TMEM132B: variants seen among roughly 807,000 people sequenced by gnomAD.
TMEM132B encodes the protein transmembrane protein 132B.
TMEM132B carries 18 observed loss-of-function variants against 90.8 expected under a neutral mutation model. The ratio of observed to expected loss-of-function variants is 0.20; its 90% CI spans 0.14 to 0.29. TMEM132B has a LOEUF of 0.29. TMEM132B is among the 10% of genes least tolerant of loss of function. The pLI, the probability that TMEM132B is intolerant of heterozygous loss-of-function variation, is 1.00. For synonymous variants in TMEM132B, 504 were observed against 523.3 expected, an observed-to-expected ratio of 0.96 and a Z score of 0.50; for missense variants, 1,096 against 1,326.8, an observed-to-expected ratio of 0.83 and a Z score of 2.70.
At chr12:125,470,373 G>C (rs1881680278) in intron 3 of TMEM132B, among the ~76,000 whole-genome samples, 1 of 152,216 alleles carries the variant, frequency 6.6e-6, no homozygotes, top group Non-Finnish European at 1.5e-5. Flanking sequence ...GCCTGGCTAG[G>C]GGAGAATTTT....
At chr12:125,247,745 G>C (rs1874237331) in intron 1 of TMEM132B, among the ~76,000 whole-genome samples, 1 of 152,214 alleles carries the variant, frequency 6.6e-6, no homozygotes, top group Non-Finnish European at 1.5e-5. Flanking sequence ...CCTAGCCGAT[G>C]TCACCGGCCC....
chr12:125,500,238 T>A (rs1882663478), intron 3 of TMEM132B, among the ~76,000 whole-genome samples: 1 of 152,128 alleles, frequency 6.6e-6, no homozygotes, highest in African/African-American at 2.4e-5. Flanking sequence ...TTACAAACAC[T>A]TGTAAGTTTG....
chr12:125,261,866 T>G (rs377386629), intron 1 of TMEM132B, among the ~76,000 whole-genome samples: 1 of 152,198 alleles, frequency 6.6e-6, no homozygotes, highest in African/African-American at 2.4e-5. Flanking sequence ...GGTCTCGCTC[T>G]GATGCCCAGG....
At chr12:125,561,330 A>G (rs753342754) in intron 4 of TMEM132B, among the ~76,000 whole-genome samples, 1 of 146,160 alleles carries the variant, frequency 6.8e-6, no homozygotes, top group Admixed American at 6.8e-5. Context: ...ATGAGAACAC[A>G]TGGACATAGG....
intron 1 of TMEM132B, among the ~76,000 whole-genome samples, chr12:125,308,071 G>A (rs1876036854): frequency 7.6e-6 from 1 of 132,230 alleles, no homozygotes. Context: ...TATAATACAA[G>A]TATATTATAA....
intron 5 of TMEM132B, chr12:125,622,418 G>C: frequency 2.1e-6 from 2 of 961,010 alleles, no homozygotes; most frequent in Non-Finnish European, 2.5e-6. Flanking sequence ...CACCATGGGA[G>C]CCAGGTCTGA....
intron 4 of TMEM132B, among the ~76,000 whole-genome samples, chr12:125,548,813 G>A (rs1297991026): frequency 1.3e-5 from 2 of 152,150 alleles, no homozygotes; most frequent in Non-Finnish European, 2.9e-5. Flanking sequence ...TGAGGGTTAC[G>A]ATTGGAGGTT....
intron 3 of TMEM132B, among the ~76,000 whole-genome samples, chr12:125,484,908 A>T (rs147152672): frequency 1.7e-4 from 26 of 151,932 alleles, no homozygotes; most frequent in African/African-American, 6.3e-4. Flanking sequence ...CCCTATTTAG[A>T]CCTATTTTTT....
intron 1 of TMEM132B, among the ~76,000 whole-genome samples, chr12:125,347,588 G>T (rs1200167383): frequency 1.3e-5 from 2 of 152,180 alleles, no homozygotes; most frequent in Non-Finnish European, 2.9e-5. Context: ...GCCACCAGGA[G>T]CCAGAGGGAA....
chr12:125,491,728 G>A (rs774094305), intron 3 of TMEM132B, among the ~76,000 whole-genome samples: 254 of 152,146 alleles, frequency 1.7e-3, no homozygotes, highest in Non-Finnish European at 2.9e-3. Context: ...TCAAGTATGG[G>A]CCAACCCACT....
At chr12:125,513,961 T>G (rs983899371) in intron 3 of TMEM132B, among the ~76,000 whole-genome samples, 1 of 152,182 alleles carries the variant, frequency 6.6e-6, no homozygotes, top group African/African-American at 2.4e-5. Context: ...TGAATCTCAG[T>G]GCCCAGCACA....
chr12:125,590,177 T>C (rs10846927), intron 5 of TMEM132B, among the ~76,000 whole-genome samples: 92,826 of 151,930 alleles, frequency 0.61, 29,494 homozygotes, highest in Middle Eastern at 0.76. Flanking sequence ...TACTGTGAGC[T>C]AGTTAAATCA....
At chr12:125,621,425 TTGG>T (rs1360620415) in intron 5 of TMEM132B, among the ~76,000 whole-genome samples, 2 of 152,030 alleles carry the variant, frequency 1.3e-5, no homozygotes, top group Non-Finnish European at 2.9e-5. Context: ...TAGGTGCATG[TTGG>T]TGGGAGTATG....
chr12:125,400,232 A>G (rs1879280697), intron 2 of TMEM132B, among the ~76,000 whole-genome samples: 1 of 152,250 alleles, frequency 6.6e-6, no homozygotes, highest in African/African-American at 2.4e-5. Flanking sequence ...AAAGCTAGAC[A>G]CATAAGTTTC....
intron 4 of TMEM132B, among the ~76,000 whole-genome samples, chr12:125,571,649 T>C (rs1271806847): frequency 6.6e-6 from 1 of 152,232 alleles, no homozygotes; most frequent in Non-Finnish European, 1.5e-5. Context: ...TCTGAACAAA[T>C]GTGTTTCCCA....
At chr12:125,332,323 A>G (rs1876800829) in intron 1 of TMEM132B, among the ~76,000 whole-genome samples, 1 of 152,184 alleles carries the variant, frequency 6.6e-6, no homozygotes, top group Non-Finnish European at 1.5e-5. Flanking sequence ...TAAGCTTGTG[A>G]TAACTGCCAG....
In TMEM132B at chr12:125,500,634, G is replaced by A. The variant is rs1882671895; in HGVS notation, c.1107-18805G>A. The stretch of plus-strand genomic sequence containing the variant: ...AGAATGGATAAAAACATGTGAAATG[G>A]AAGGGGAAGAATTTTGTAGGACGTC... On this transcript the variant is annotated intron_variant, in intron 3 of 8. Transcript: ENST00000682704. 3.3e-5 allele frequency among the ~76,000 whole-genome samples: 5 copies of A among 152,194 alleles called. No homozygotes were observed. The South Asian group carries it at 1.0e-3, about 32-fold the overall frequency.
At chr12:125,330,824 C>G (rs1006720255) in intron 1 of TMEM132B, among the ~76,000 whole-genome samples, 2 of 152,196 alleles carry the variant, frequency 1.3e-5, no homozygotes, top group Non-Finnish European at 2.9e-5. Flanking sequence ...GAAGGACTGC[C>G]TGAGGCCAGG....
chr12:125,604,726 T>C (rs1437686256), intron 5 of TMEM132B, among the ~76,000 whole-genome samples: 4 of 152,062 alleles, frequency 2.6e-5, no homozygotes, highest in Non-Finnish European at 5.9e-5. Flanking sequence ...CTGTAGAGGA[T>C]TTTTTCGTTT....
Sources: allele counts gnomAD v4.1 joint callset (sites outside exome capture counted in the v4.1 genomes callset), GRCh38; gene constraint gnomAD v4.1.1; transcripts MANE v1.5; gene names NCBI Gene and HGNC (gene_info 2026-07-23, HGNC 2026-07-21).